The following EXOC2 variants were observed in gnomAD, a reference collection of about 807,000 sequenced individuals.
The protein encoded by EXOC2 is exocyst complex component 2, also known as SEC5-like 1.
EXOC2 carries 70 observed loss-of-function variants against 131.8 expected under a neutral mutation model. That is an observed-to-expected ratio of 0.53 (90% CI 0.44 to 0.65). The LOEUF is 0.65. EXOC2 is among the 30% of genes least tolerant of loss of function. The pLI, the probability that EXOC2 is intolerant of heterozygous loss-of-function variation, is 0.00. For missense variants in EXOC2, 923 were observed against 1,108.6 expected (o/e 0.83, Z 2.38); for synonymous variants, 411 against 398.4 (o/e 1.03, Z -0.38).
chr6:612,103 C>G (rs1446513385), intron 6 of EXOC2, among the ~76,000 whole-genome samples: 1 of 152,198 alleles, frequency 6.6e-6, no homozygotes, highest in African/African-American at 2.4e-5. Flanking sequence ...TATGTATATG[C>G]TCTAACCAAT....
chr6:582,568 A>G (rs1758969417), intron 11 of EXOC2, among the ~76,000 whole-genome samples: 1 of 140,616 alleles, frequency 7.1e-6, no homozygotes, highest in Non-Finnish European at 1.5e-5. Flanking sequence ...CCGCAGACGC[A>G]GGCAGGATGG....
At position 485,516 on chromosome 6, in the gene EXOC2, C is replaced by G. The variant is rs543056880; in HGVS notation, c.*1155G>C. 1.3e-5 allele frequency: 2 copies of G among 152,178 alleles called. No individual in the cohort carries two copies. Among genetic ancestry groups the G allele is most frequent in the Admixed American group, 6.5e-5 (1 of 15,286 alleles). 9.4% of individuals were successfully genotyped at this position (152,178 alleles called of 1,614,324 possible). ...CCATAGAAAAACTTGAAAACCCTGA[C>G]AAGCCGACTACAAAGAGAATTCCTC... On this transcript the variant is annotated 3_prime_UTR_variant, in exon 28 of 28. Coordinates refer to ENST00000230449, the MANE Select transcript of EXOC2 (RefSeq NM_018303.6).
At chr6:517,619 T>C (rs1023835282) in intron 23 of EXOC2, among the ~76,000 whole-genome samples, 2 of 152,226 alleles carry the variant, frequency 1.3e-5, no homozygotes, top group African/African-American at 4.8e-5. Flanking sequence ...CAATTACCAA[T>C]GGTGCTAAAA....
rs865880610 is a variant in EXOC2 at position 521,080 on chromosome 6, C to T, written c.2380+11389G>A. Among the ~76,000 whole-genome samples, 250 of 75,348 alleles carry T rather than the reference C, an allele frequency of 3.3e-3. 3 individuals carry two copies. The highest frequency in any genetic ancestry group is 0.016 in the African/African-American group (234 of 14,334). The allele number at this position is 75,348 out of a possible 152,430, so 49.4% of individuals were successfully genotyped here. ...CTCGGAGAGGAAAACCACCACCCAC[C>T]GAGCGCCGACACTCGCCGTCCACAC... On this transcript the variant is annotated intron_variant, in intron 23 of 27. Coordinates refer to ENST00000230449, the MANE Select transcript of EXOC2 (RefSeq NM_018303.6).
At chr6:598,684 C>A (rs562136488) in intron 9 of EXOC2, among the ~76,000 whole-genome samples, 176 bp downstream of exon 9, 1 of 152,266 alleles carries the variant, frequency 6.6e-6, no homozygotes, top group South Asian at 2.1e-4. Flanking sequence ...CTCATTTTCA[C>A]TGCGTATCAA....
chr6:563,940 T>C, intron 16 of EXOC2, 93 bp downstream of exon 16: 1 of 1,500,756 alleles, frequency 6.7e-7, no homozygotes, highest in East Asian at 2.3e-5. Flanking sequence ...GAAGAGTAAT[T>C]TTCCCTTGTT....
Position 562,795 on chromosome 6 carries a change from G to A in EXOC2, c.1840C>T (p.Leu614=), listed in dbSNP as rs892246578. The A allele has an allele frequency of 2.5e-6, 4 of 1,595,508 alleles. No individual in the cohort carries two copies. Among genetic ancestry groups the A allele is most frequent in the East Asian group, 2.3e-5 (1 of 44,432 alleles). ...GAACTTAAACTTACTAGAGAAGTCAGTCCTTCATTGTCAACAATCCAGTCT... is the reference window on the plus strand; with the variant it reads ...GAACTTAAACTTACTAGAGAAGTCAATCCTTCATTGTCAACAATCCAGTCT... The part of the protein sequence containing the change: ...KEDWIVDNEG[L]TSLPCQFEQC... Residue 614 remains leucine (L), a synonymous_variant, in exon 17 of 28, where the codon CTG becomes TTG. Coordinates refer to ENST00000230449, the MANE Select transcript of EXOC2 (RefSeq NM_018303.6).
chr6:561,556 G>C (rs1161464875), intron 17 of EXOC2, among the ~76,000 whole-genome samples: 1 of 152,120 alleles, frequency 6.6e-6, no homozygotes, highest in Admixed American at 6.5e-5. Context: ...CCTTATCTGA[G>C]GCAGAAACTG....
chr6:630,174 C>CCT (rs1355993602), intron 3 of EXOC2, among the ~76,000 whole-genome samples: 6 of 152,262 alleles, frequency 3.9e-5, no homozygotes, highest in Admixed American at 3.9e-4. Context: ...AAAAATTACA[C>CCT]CTCTCAGCTT....
chr6:504,396 G>A (rs946767386), intron 23 of EXOC2, among the ~76,000 whole-genome samples: 4 of 152,230 alleles, frequency 2.6e-5, no homozygotes, highest in Admixed American at 2.6e-4. Flanking sequence ...AAGGACCTCA[G>A]TTGTGGCTCC....
intron 21 of EXOC2, among the ~76,000 whole-genome samples, chr6:551,505 C>T (rs113037171): frequency 6.6e-6 from 1 of 152,226 alleles, no homozygotes; most frequent in African/African-American, 2.4e-5. Context: ...AGAATAGGCT[C>T]AATGTGAGTC....
At chr6:590,722 T>C (rs1759495307) in intron 11 of EXOC2, among the ~76,000 whole-genome samples, 1 of 152,166 alleles carries the variant, frequency 6.6e-6, no homozygotes, top group Non-Finnish European at 1.5e-5. Flanking sequence ...GACCACCCCT[T>C]CTTCGTTTCC....
intron 12 of EXOC2, among the ~76,000 whole-genome samples, chr6:573,871 G>T (rs1758429401): frequency 6.6e-6 from 1 of 152,116 alleles, no homozygotes; most frequent in African/African-American, 2.4e-5. Flanking sequence ...TAGTTATTGT[G>T]ACTCTTTCTG....
At chr6:670,029 C>T (rs1763793542) in intron 1 of EXOC2, 2 of 152,156 alleles carry the variant, frequency 1.3e-5, no homozygotes, top group Admixed American at 6.5e-5. Flanking sequence ...ATAGTTCTGT[C>T]CATTGTAAGA....
At chr6:625,518 C>CTTT (rs796295514) in intron 4 of EXOC2, among the ~76,000 whole-genome samples, 333 of 108,032 alleles carry the variant, frequency 3.1e-3, no homozygotes, top group Middle Eastern at 0.02. Flanking sequence ...TGTTTCCGTT[C>CTTT]TTTTTTTTTT....
At chr6:519,069 C>A (rs547622900) in intron 23 of EXOC2, among the ~76,000 whole-genome samples, 1 of 152,102 alleles carries the variant, frequency 6.6e-6, no homozygotes, top group Non-Finnish European at 1.5e-5. Flanking sequence ...GACAGGGAAA[C>A]CATCACCCAC....
At chr6:688,478 G>A (rs1200732476) in intron 1 of EXOC2, among the ~76,000 whole-genome samples, 1 of 152,254 alleles carries the variant, frequency 6.6e-6, no homozygotes, top group East Asian at 1.9e-4. Context: ...GACAGTGACT[G>A]AAGATCACAG....
At chr6:674,364 T>G (rs1764014101) in intron 1 of EXOC2, among the ~76,000 whole-genome samples, 2 of 152,162 alleles carry the variant, frequency 1.3e-5, no homozygotes, top group South Asian at 4.1e-4. Flanking sequence ...TATTTACTCT[T>G]TCAGCTAGCT....
intron 1 of EXOC2, among the ~76,000 whole-genome samples, chr6:672,047 C>T (rs1763899098): frequency 6.6e-6 from 1 of 152,052 alleles, no homozygotes; most frequent in African/African-American, 2.4e-5. Context: ...TTTTCCTTCC[C>T]CTTCTTGGTT....
Sources: allele counts gnomAD v4.1 joint callset (sites outside exome capture counted in the v4.1 genomes callset), GRCh38; gene constraint gnomAD v4.1.1; transcripts MANE v1.5; gene names NCBI Gene and HGNC (gene_info 2026-07-23, HGNC 2026-07-21).